Variants in AGMO observed in about 807,000 individuals in gnomAD.
AGMO encodes glyceryl-ether monooxygenase.
A neutral mutation model predicts 60.2 loss-of-function variants in AGMO; 75 were observed. The ratio of observed to expected loss-of-function variants is 1.25; its 90% CI spans 1.03 to 1.51. The LOEUF (loss-of-function observed/expected upper bound fraction) is 1.51, where lower values mean the gene tolerates loss of function less well. AGMO is among the 40% of genes most tolerant of loss of function. AGMO has a pLI of 0.00. For missense variants in AGMO, 763 were observed against 525.5 expected, an observed-to-expected ratio of 1.45 and a Z score of -4.42; for synonymous variants, 261 against 177.1, an observed-to-expected ratio of 1.47 and a Z score of -3.76.
rs754647024 is a variant in AGMO at position 15,384,673 on chromosome 7, A to AT, written c.1074+772dup. ...ATTGGTAACAAGGTATAAAAACAGCATTTTTTTAAACTCACCTGTGATTCT... is the reference window on the plus strand; with the variant it reads ...ATTGGTAACAAGGTATAAAAACAGCATTTTTTTTAAACTCACCTGTGATTCT... On this transcript the variant is annotated intron_variant, in intron 10 of 12. Transcript: ENST00000342526. 3.7e-3 allele frequency among the ~76,000 whole-genome samples: 566 copies of AT among 152,168 alleles called. 8 individuals are homozygous for AT. The highest frequency in any genetic ancestry group is 5.7e-3 in the Non-Finnish European group (388 of 68,000).
chr7:15,154,599 A>G, the AGMO span, among the ~76,000 whole-genome samples: 2 of 152,196 alleles, frequency 1.3e-5, no homozygotes, highest in Non-Finnish European at 2.9e-5. Flanking sequence ...TAGCCAATAT[A>G]CATTCAAGGT....
At chr7:15,231,252 T>C (rs527450694) in intron 12 of AGMO, among the ~76,000 whole-genome samples, 6 of 152,278 alleles carry the variant, frequency 3.9e-5, no homozygotes, top group African/African-American at 1.2e-4. Flanking sequence ...TCCTATTTCA[T>C]TGGGAAGCTT....
chr7:15,560,554 A>G (rs1291663536), intron 1 of AGMO, among the ~76,000 whole-genome samples: 1 of 152,182 alleles, frequency 6.6e-6, no homozygotes, highest in Non-Finnish European at 1.5e-5. Context: ...TAAGAGGAAC[A>G]TCTTCCAAAT....
the AGMO span, among the ~76,000 whole-genome samples, chr7:15,166,474 C>A: frequency 6.6e-6 from 1 of 152,240 alleles, no homozygotes; most frequent in East Asian, 1.9e-4. Flanking sequence ...CATACAATGT[C>A]CCTTTGGACA....
chr7:15,484,368 T>C (rs201665817), intron 3 of AGMO, among the ~76,000 whole-genome samples: 2 of 152,166 alleles, frequency 1.3e-5, no homozygotes, highest in East Asian at 3.9e-4. Flanking sequence ...TGGGAAAATT[T>C]AATTTCCAGA....
the AGMO span, among the ~76,000 whole-genome samples, chr7:15,175,004 C>T: frequency 2.0e-5 from 3 of 150,342 alleles, no homozygotes; most frequent in Admixed American, 2.0e-4. Flanking sequence ...GATATATTTG[C>T]AATATATATC....
the AGMO span, among the ~76,000 whole-genome samples, chr7:15,174,497 G>C: frequency 6.6e-5 from 10 of 152,208 alleles, no homozygotes; most frequent in South Asian, 2.1e-3. Context: ...CAAAGAAAAA[G>C]ATGGACTCCT....
At chr7:15,451,701 C>T (rs867352428) in intron 3 of AGMO, among the ~76,000 whole-genome samples, 1 of 151,686 alleles carries the variant, frequency 6.6e-6, no homozygotes, top group African/African-American at 2.4e-5. Flanking sequence ...AAACTTCGGC[C>T]GAATTAAATT....
At chr7:15,511,930 C>A (rs12112803) in intron 3 of AGMO, among the ~76,000 whole-genome samples, 2,516 of 151,520 alleles carry the variant, frequency 0.017, 70 homozygotes, top group African/African-American at 0.056. Context: ...GAAACCAGCC[C>A]ACCAGACACC....
At chr7:15,366,000 A>T in intron 11 of AGMO, 140 bp downstream of exon 11, 1 of 602,600 alleles carries the variant, frequency 1.7e-6, no homozygotes, top group Non-Finnish European at 2.8e-6. Flanking sequence ...CTTCTCTAAA[A>T]TAATGAGAAG....
At chr7:15,198,323 T>A (rs1781189125), downstream of AGMO, among the ~76,000 whole-genome samples, 1 of 151,426 alleles carries the variant, frequency 6.6e-6, no homozygotes, top group African/African-American at 2.4e-5. Flanking sequence ...TCACTCAAGA[T>A]CAATTTACAA....
intron 12 of AGMO, among the ~76,000 whole-genome samples, chr7:15,235,344 G>C (rs1447425944): frequency 2.0e-5 from 3 of 152,098 alleles, no homozygotes; most frequent in Non-Finnish European, 1.5e-5. Flanking sequence ...AATTTTGAGA[G>C]AATGGCGAAT....
At chr7:15,197,810 T>C (rs1464187649), downstream of AGMO, among the ~76,000 whole-genome samples, 1 of 152,190 alleles carries the variant, frequency 6.6e-6, no homozygotes, top group East Asian at 1.9e-4. Context: ...GAACTTAAAC[T>C]CCTCAGCTTA....
At chr7:15,510,293 G>C (rs1355954027) in intron 3 of AGMO, among the ~76,000 whole-genome samples, 3 of 152,002 alleles carry the variant, frequency 2.0e-5, no homozygotes, top group Non-Finnish European at 4.4e-5. Context: ...TGCCTCCCTA[G>C]TAGCTAGGAC....
In AGMO at chr7:15,531,812, G is replaced by A. The variant is rs148486796; in HGVS notation, c.409+12960C>T. Among the ~76,000 whole-genome samples the A allele has an allele frequency of 5.6e-3, 843 of 150,570 alleles. 7 individuals are homozygous for A. Among genetic ancestry groups the A allele is most frequent in the African/African-American group, 0.019 (781 of 40,942 alleles). On this transcript the variant is annotated intron_variant, in intron 3 of 12. Transcript: ENST00000342526. ...AGTAGCTGGGATTATAGGATTACAG[G>A]TGCCCAACACCATGCCCAGCTAATT...
chr7:15,389,968 G>GTAA (rs1389843073), intron 8 of AGMO, among the ~76,000 whole-genome samples: 11 of 152,234 alleles, frequency 7.2e-5, no homozygotes, highest in African/African-American at 2.4e-4. Context: ...ACCGAATGTT[G>GTAA]TAACCAGTCC....
the AGMO span, among the ~76,000 whole-genome samples, chr7:15,126,145 A>C: frequency 6.6e-6 from 1 of 152,132 alleles, no homozygotes; most frequent in South Asian, 2.1e-4. Context: ...ACTCAGTTTG[A>C]AATGAGAAGA....
chr7:15,412,668 C>G (rs1780646692), intron 5 of AGMO, among the ~76,000 whole-genome samples: 1 of 147,620 alleles, frequency 6.8e-6, no homozygotes, highest in Non-Finnish European at 1.5e-5. Flanking sequence ...GTAAACACCT[C>G]CAGCATTTCA....
At chr7:15,364,639 G>A (rs530087620) in intron 12 of AGMO, among the ~76,000 whole-genome samples, 1 of 151,950 alleles carries the variant, frequency 6.6e-6, no homozygotes, top group Non-Finnish European at 1.5e-5. Context: ...CCAATTCCTA[G>A]AAGTGAAATG....
Sources: gnomAD v4.1 joint callset for allele counts (sites outside exome capture counted in the v4.1 genomes callset) on GRCh38, gnomAD v4.1.1 for gene constraint, MANE v1.5 for transcripts, NCBI Gene and HGNC (gene_info 2026-07-23, HGNC 2026-07-21) for gene names.